STK10: variants seen among roughly 807,000 people sequenced by gnomAD.
The protein encoded by STK10 is serine/threonine-protein kinase 10.
Under a neutral mutation model 113.8 loss-of-function variants are expected in STK10, and 78 were observed. That is an observed-to-expected ratio of 0.69 (90% CI 0.57 to 0.83). The LOEUF is 0.83. Ranked by LOEUF, STK10 falls within the 40% of genes least tolerant of loss-of-function variation. STK10 has a pLI of 0.00. For synonymous variants in STK10, 465 were observed against 494.7 expected, an observed-to-expected ratio of 0.94 and a Z score of 0.80; for missense variants, 1,109 against 1,280.1, an observed-to-expected ratio of 0.87 and a Z score of 2.04.
intron 12 of STK10, among the ~76,000 whole-genome samples, chr5:172,070,197 G>A (rs977151722): frequency 3.3e-5 from 5 of 151,718 alleles, no homozygotes; most frequent in South Asian, 2.1e-4. Context: ...GCAGTGAGCC[G>A]AGATCATGCC....
Position 172,133,336 on chromosome 5 carries a change from G to A in STK10, c.322-5915C>T, listed in dbSNP as rs76064750. Among the ~76,000 whole-genome samples, 414 of 152,268 alleles carry A rather than the reference G, an allele frequency of 2.7e-3. 3 individuals are homozygous for A. Among genetic ancestry groups the A allele is most frequent in the African/African-American group, 9.6e-3 (398 of 41,538 alleles). ...GTGGGTTGGGGACAAACAGCGAAGAGGCCATTTCATGAGTCCTGATGTCCT... is the reference window on the plus strand; with the variant it reads ...GTGGGTTGGGGACAAACAGCGAAGAAGCCATTTCATGAGTCCTGATGTCCT... On this transcript the variant is annotated intron_variant, in intron 2 of 18. Coordinates refer to ENST00000176763, the MANE Select transcript of STK10 (RefSeq NM_005990.4). The surrounding 1 kb of genome is among the most constrained non-coding windows in gnomAD (Gnocchi z 4.9).
intron 1 of STK10, among the ~76,000 whole-genome samples, chr5:172,181,169 C>T (rs1283123188): frequency 1.3e-5 from 2 of 152,246 alleles, no homozygotes; most frequent in African/African-American, 4.8e-5. Context: ...GCCTTCCCAG[C>T]ACCCACATCC....
rs1768774089 is a variant in STK10 at position 172,093,659 on chromosome 5, T to C, written c.1307A>G (p.Asp436Gly). ...AGATCTGTTGGCTGCTGGGCTGAGG[T>C]CCCCACCCTGCTCAGCAACTTGCTT... is the stretch of plus-strand genomic sequence containing the variant. ...QEKQVAEQGG[D>G]LSPAANRSQK... The change falls in exon 9 of 19, where the codon GAC becomes GGC. Residue 436 changes from aspartate (D) to glycine (G), a missense_variant. By Grantham distance (94) the Asp-to-Gly change is moderately conservative. This residue lies in a region of STK10 where 885 missense variants were observed against 991.1 expected (regional missense o/e 0.89). Coordinates refer to ENST00000176763, the MANE Select transcript of STK10 (RefSeq NM_005990.4). This position sits in a 1 kb window ranked among gnomAD's most constrained non-coding sequence, Gnocchi z 4.1. The C allele has an allele frequency of 1.2e-6, 2 of 1,614,012 alleles. No individual in the cohort carries two copies. The highest frequency in any genetic ancestry group is 2.7e-5 in the African/African-American group (2 of 74,902).
intron 2 of STK10, among the ~76,000 whole-genome samples, chr5:172,137,928 T>C (rs562977776): frequency 6.8e-6 from 1 of 146,150 alleles, no homozygotes; most frequent in South Asian, 2.2e-4. Flanking sequence ...TTAAAGGCCA[T>C]ATATTAAAAA....
chr5:172,188,092 G>C lies in STK10; in HGVS notation c.-50C>G. The C allele has an allele frequency of 6.3e-7, 1 of 1,586,452 alleles. No individual in the cohort carries two copies. The highest frequency in any genetic ancestry group is 2.3e-5 in the East Asian group (1 of 43,918). The stretch of plus-strand genomic sequence containing the variant: ...TCGGGCTCGGGCTCGGGCTCGGGCT[G>C]TGGCTTCGGCGGCCGCGAGGAGAAG... On this transcript the variant is annotated 5_prime_UTR_variant, in exon 1 of 19. Transcript: ENST00000176763. The surrounding 1 kb of genome is among the most constrained non-coding windows in gnomAD (Gnocchi z 5.6).
chr5:172,061,154 G>T lies in STK10; in HGVS notation c.2197C>A (p.Gln733Lys), dbSNP rs759582253. 6.2e-7 allele frequency: 1 copy of T among 1,612,136 alleles called. No homozygotes were observed. Among genetic ancestry groups the T allele is most frequent in the Non-Finnish European group, 8.5e-7 (1 of 1,179,556 alleles). Residue 733 changes from glutamine (Q) to lysine (K), a missense_variant, in exon 14 of 19, where the codon CAG (glutamine) becomes AAG (lysine). This residue lies in a region of STK10 where 885 missense variants were observed against 991.1 expected (regional missense o/e 0.89). Transcript: ENST00000176763. ...DKERECLMKKQELLRDREAAL... is the reference protein window; with the variant it reads ...DKERECLMKKKELLRDREAAL... Reference sequence around the variant, plus strand: ...ACACCCCCACCTCGAAGGAGCTCCTGCTTCTTCATGAGGCACTCGCGCTCC... The same window carrying T: ...ACACCCCCACCTCGAAGGAGCTCCTTCTTCTTCATGAGGCACTCGCGCTCC...
intron 18 of STK10, among the ~76,000 whole-genome samples, chr5:172,050,905 G>A (rs1418201422): frequency 1.3e-5 from 2 of 151,930 alleles, no homozygotes; most frequent in Non-Finnish European, 1.5e-5. Flanking sequence ...TAGAGATGAG[G>A]TTTCACTGTG....
intron 1 of STK10, among the ~76,000 whole-genome samples, chr5:172,167,793 T>C (rs1187339127): frequency 1.3e-5 from 2 of 152,224 alleles, no homozygotes; most frequent in African/African-American, 2.4e-5. Context: ...AGCAGGTACA[T>C]ACAGAACACT....
chr5:172,164,532 A>G (rs181332279), intron 1 of STK10, among the ~76,000 whole-genome samples: 82 of 152,340 alleles, frequency 5.4e-4, no homozygotes, highest in African/African-American at 1.9e-3. Context: ...GCAGGTTCAA[A>G]GGATTAGGAA....
chr5:172,091,531 CTT>C (rs778673700), intron 9 of STK10, among the ~76,000 whole-genome samples: 234 of 131,826 alleles, frequency 1.8e-3, no homozygotes, highest in African/African-American at 6.2e-3. Context: ...TTCAAAGCCT[CTT>C]TTTTTTTTTT....
chr5:172,124,529 T>C (rs1361416601), intron 3 of STK10, among the ~76,000 whole-genome samples: 3 of 152,176 alleles, frequency 2.0e-5, no homozygotes, highest in Non-Finnish European at 4.4e-5. Context: ...GCTACTGTCA[T>C]CTACCTGGGA....
At chr5:172,127,208 G>C (rs1268741492) in intron 3 of STK10, among the ~76,000 whole-genome samples, 165 bp downstream of exon 3, 1 of 151,912 alleles carries the variant, frequency 6.6e-6, no homozygotes, top group Non-Finnish European at 1.5e-5. Context: ...CCCACACCCT[G>C]CTCCCAAAAG....
chr5:172,130,767 G>C (rs1305532337), intron 2 of STK10, among the ~76,000 whole-genome samples: 2 of 152,112 alleles, frequency 1.3e-5, no homozygotes, highest in Non-Finnish European at 2.9e-5. Context: ...ACTTCATTGA[G>C]AAAGTTAAAT....
chr5:172,175,535 T>A (rs997783647), intron 1 of STK10, among the ~76,000 whole-genome samples: 1 of 152,032 alleles, frequency 6.6e-6, no homozygotes, highest in African/African-American at 2.4e-5. Flanking sequence ...AGCACTCAGC[T>A]TCCCCGCCCT....
chr5:172,112,809 C>T (rs549690665), intron 4 of STK10, among the ~76,000 whole-genome samples: 10 of 149,112 alleles, frequency 6.7e-5, no homozygotes, highest in Non-Finnish European at 1.0e-4. Context: ...TGCAATGGCA[C>T]GATCTCGGCT....
chr5:172,085,214 C>T (rs2113734500), intron 10 of STK10, among the ~76,000 whole-genome samples: 1 of 152,048 alleles, frequency 6.6e-6, no homozygotes, highest in South Asian at 2.1e-4. Flanking sequence ...CGCTTGCACT[C>T]CAGCCTGGGC....
At position 172,106,681 on chromosome 5, in the gene STK10, T is replaced by C. The variant is rs911743548; in HGVS notation, c.727A>G (p.Met243Val). The C allele has an allele frequency of 1.9e-6, 3 of 1,613,912 alleles. No individual in the cohort carries two copies. The highest frequency in any genetic ancestry group is 1.7e-6 in the Non-Finnish European group (2 of 1,180,008). ...IEPPHHELNP[M>V]RVLLKIAKSD... Reference sequence around the variant, plus strand: ...TTGGCGATCTTTAGCAGGACCCGCATGGGGTTGAGCTCGTGGTGTGGCGGC... The same window carrying C: ...TTGGCGATCTTTAGCAGGACCCGCACGGGGTTGAGCTCGTGGTGTGGCGGC... The change falls in exon 6 of 19, where the codon ATG becomes GTG. Residue 243 changes from methionine to valine, a missense_variant. Around this residue, in one of 5 missense-constraint regions of STK10, gnomAD observed 885 missense variants for 991.1 expected, o/e 0.89. Coordinates refer to ENST00000176763, the MANE Select transcript of STK10 (RefSeq NM_005990.4).
rs377734981 is a variant in STK10, at chr5:172,123,954, G to T, written c.370+3419C>A. On this transcript the variant is annotated intron_variant, in intron 3 of 18. Coordinates refer to ENST00000176763, the MANE Select transcript of STK10 (RefSeq NM_005990.4). ...TATTATTTTATTTTTTTGAGACAGG[G>T]TCTCACTCTGTCACCTGGGCTGAGT... Among the ~76,000 whole-genome samples, 24 of 152,164 alleles carry T rather than the reference G, an allele frequency of 1.6e-4. No individual in the cohort carries two copies. The South Asian group carries it at 4.8e-3, about 30-fold the overall frequency.
chr5:172,062,565 TTAA>T (rs1767958996), intron 13 of STK10, among the ~76,000 whole-genome samples: 1 of 152,194 alleles, frequency 6.6e-6, no homozygotes, highest in East Asian at 1.9e-4. Flanking sequence ...TTATTCAGCC[TTAA>T]AAAGGAAGGA....
Sources: gnomAD v4.1 joint callset for allele counts (sites outside exome capture counted in the v4.1 genomes callset) on GRCh38, gnomAD v4.1.1 for gene constraint, gnomAD v4.1.1 regional missense constraint, Gnocchi (gnomAD v3.1) non-coding constraint, MANE v1.5 for transcripts, NCBI Gene and HGNC (gene_info 2026-07-23, HGNC 2026-07-21) for gene names.